The following TRAF3IP2 variants were observed in gnomAD, a reference collection of about 807,000 sequenced individuals.
TRAF3IP2 encodes the protein TRAF3 interacting protein 2.
A neutral mutation model predicts 57.9 loss-of-function variants in TRAF3IP2; 35 were observed. The observed-to-expected ratio is 0.60, with a 90% CI of 0.46 to 0.80. TRAF3IP2 has a LOEUF of 0.80. Ranked by LOEUF, TRAF3IP2 falls within the 30% of genes least tolerant of loss-of-function variation. The pLI is 0.00. For missense variants in TRAF3IP2, 556 were observed against 706.4 expected, an observed-to-expected ratio of 0.79 and a Z score of 2.41; for synonymous variants, 251 against 268.9, an observed-to-expected ratio of 0.93 and a Z score of 0.65.
In TRAF3IP2 at chr6:111,575,788, A is replaced by G. The variant is rs1402195602; in HGVS notation, c.1056T>C (p.Ala352=). ...DQPHHQPPNR[A]GAPGESLECP... ...ACTCCAAGGACTCCCCAGGAGCACC[A>G]GCTCTATTAGGTGGCTGGTGATGTG... The change falls in exon 4 of 9, where the codon GCT becomes GCC. Residue 352 remains alanine (A), a synonymous_variant. Transcript: ENST00000368761. 6.2e-7 allele frequency: 1 copy of G among 1,609,384 alleles called. No individual in the cohort carries two copies. The highest frequency in any genetic ancestry group is 1.7e-5 in the Admixed American group (1 of 58,428).
intron 1 of TRAF3IP2, among the ~76,000 whole-genome samples, chr6:111,598,553 A>T (rs1796766936): frequency 6.6e-6 from 1 of 152,310 alleles, no homozygotes; most frequent in South Asian, 2.1e-4. Flanking sequence ...AAGATTTATT[A>T]AGTTAAAAAA....
chr6:111,562,532 T>G (rs1288207471), intron 8 of TRAF3IP2, among the ~76,000 whole-genome samples: 1 of 152,150 alleles, frequency 6.6e-6, no homozygotes, highest in African/African-American at 2.4e-5. Context: ...CTGGTAACAT[T>G]GTTATCTCTA....
chr6:111,597,443 CCT>C (rs1383119905), intron 1 of TRAF3IP2, among the ~76,000 whole-genome samples: 2 of 152,192 alleles, frequency 1.3e-5, no homozygotes, highest in African/African-American at 4.8e-5. Flanking sequence ...GCCCCAGACC[CCT>C]GTCTGAACTG....
At chr6:111,582,214 C>CA (rs1488411788) in intron 2 of TRAF3IP2, among the ~76,000 whole-genome samples, 2 of 152,300 alleles carry the variant, frequency 1.3e-5, no homozygotes, top group African/African-American at 4.8e-5. Context: ...TCCCTGGACT[C>CA]AATCTATTAT....
At chr6:111,602,309 T>G (rs1796895270) in intron 1 of TRAF3IP2, 1 of 152,118 alleles carries the variant, frequency 6.6e-6, no homozygotes, top group African/African-American at 2.4e-5. Flanking sequence ...GCCCATGTTT[T>G]TTTTTTTTTT....
intron 5 of TRAF3IP2, 135 bp from the exon 6 acceptor site, chr6:111,567,827 G>A (rs1431453747): frequency 7.1e-6 from 4 of 566,436 alleles, no homozygotes; most frequent in Non-Finnish European, 8.4e-6. Context: ...GGAGCACATA[G>A]GTCTAAAAAA....
intron 1 of TRAF3IP2, among the ~76,000 whole-genome samples, chr6:111,602,893 G>A (rs999903596): frequency 7.2e-5 from 11 of 152,146 alleles, no homozygotes; most frequent in Non-Finnish European, 1.3e-4. Flanking sequence ...TGTGGGGTGC[G>A]AGGAGAGGGG....
chr6:111,566,875 G>A (rs1051545986), intron 6 of TRAF3IP2: 1 of 390,252 alleles, frequency 2.6e-6, no homozygotes, highest in South Asian at 2.2e-5. Flanking sequence ...TGGCAAAAAG[G>A]CACTGCAACA....
intron 1 of TRAF3IP2, among the ~76,000 whole-genome samples, chr6:111,596,203 T>A (rs183621067): frequency 6.6e-6 from 1 of 152,244 alleles, no homozygotes; most frequent in African/African-American, 2.4e-5. Context: ...CCCAAATGTA[T>A]ATGATATACA....
intron 4 of TRAF3IP2, among the ~76,000 whole-genome samples, chr6:111,575,385 G>A (rs887266199): frequency 2.0e-4 from 31 of 151,932 alleles, no homozygotes; most frequent in African/African-American, 7.2e-4. Context: ...TGAAGAGATC[G>A]AGACCATCCT....
At chr6:111,604,649 C>T (rs1796967372) in intron 1 of TRAF3IP2, among the ~76,000 whole-genome samples, 1 of 152,198 alleles carries the variant, frequency 6.6e-6, no homozygotes, top group Non-Finnish European at 1.5e-5. Context: ...GCTGCTTTAC[C>T]TCTTGCCTTG....
At chr6:111,559,658 C>A (rs188506983) in intron 8 of TRAF3IP2, 107 bp from the exon 9 acceptor site, 1 of 1,287,810 alleles carries the variant, frequency 7.8e-7, no homozygotes, top group Non-Finnish European at 1.1e-6. Context: ...ATGGGCGTTT[C>A]CTACCAAACT....
At chr6:111,566,372 G>T in intron 7 of TRAF3IP2, 72 bp downstream of exon 7, 1 of 1,230,296 alleles carries the variant, frequency 8.1e-7, no homozygotes, top group Non-Finnish European at 1.2e-6. Flanking sequence ...CTCTGGGGAA[G>T]AATGGGACTT....
chr6:111,575,530 G>C, intron 4 of TRAF3IP2, 113 bp downstream of exon 4: 1 of 1,229,630 alleles, frequency 8.1e-7, no homozygotes, highest in South Asian at 1.5e-5. Context: ...GGAGCTTGCA[G>C]TGAGCTGAGA....
intron 1 of TRAF3IP2, among the ~76,000 whole-genome samples, chr6:111,596,385 TG>T (rs1796691046): frequency 6.6e-6 from 1 of 152,084 alleles, no homozygotes; most frequent in Non-Finnish European, 1.5e-5. Context: ...CTCAAACTCC[TG>T]GGCTCAAGTG....
chr6:111,566,808 CA>C (rs1438100933), intron 6 of TRAF3IP2, among the ~76,000 whole-genome samples: 1 of 152,156 alleles, frequency 6.6e-6, no homozygotes, highest in African/African-American at 2.4e-5. Flanking sequence ...CCATTTTCCA[CA>C]ACCATCACTA....
intron 4 of TRAF3IP2, among the ~76,000 whole-genome samples, chr6:111,573,296 A>T (rs1328075254): frequency 5.3e-5 from 8 of 152,170 alleles, no homozygotes; most frequent in Non-Finnish European, 1.5e-5. Flanking sequence ...GCGAGCCCTT[A>T]AGATCAGGCA....
At chr6:111,567,228 G>C in intron 6 of TRAF3IP2, 1 of 1,009,950 alleles carries the variant, frequency 9.9e-7, no homozygotes, top group South Asian at 4.3e-5. Context: ...CGGGGGTGGT[G>C]TGCTGTGCAG....
intron 5 of TRAF3IP2, among the ~76,000 whole-genome samples, chr6:111,570,334 CTTT>C (rs1381591684): frequency 1.3e-5 from 2 of 152,204 alleles, no homozygotes; most frequent in East Asian, 3.9e-4. Context: ...AGAATTCCTT[CTTT>C]GACTCTTTAG....
Sources: gnomAD v4.1 joint callset for allele counts (sites outside exome capture counted in the v4.1 genomes callset) on GRCh38, gnomAD v4.1.1 for gene constraint, MANE v1.5 for transcripts, NCBI Gene and HGNC (gene_info 2026-07-23, HGNC 2026-07-21) for gene names.